Variants in CDC42BPG observed in about 807,000 individuals in gnomAD.
CDC42BPG encodes serine/threonine-protein kinase MRCK gamma.
A neutral mutation model predicts 192.2 loss-of-function variants in CDC42BPG; 157 were observed. That is an observed-to-expected ratio of 0.82 (90% CI 0.72 to 0.93). The LOEUF (loss-of-function observed/expected upper bound fraction) is 0.93, where lower values mean the gene tolerates loss of function less well. Ranked by LOEUF, CDC42BPG falls within the 40% of genes least tolerant of loss-of-function variation. The pLI is 0.00. For synonymous variants in CDC42BPG, 981 were observed against 918.5 expected (o/e 1.07, Z -1.23); for missense variants, 1,992 against 2,122.1 (o/e 0.94, Z 1.20).
At chr11:64,837,586 C>T (rs1023322680) in intron 9 of CDC42BPG, among the ~76,000 whole-genome samples, 2 of 152,244 alleles carry the variant, frequency 1.3e-5, no homozygotes, top group Non-Finnish European at 2.9e-5. Context: ...CTCAGCCTCC[C>T]AAGTAGCTGG....
At chr11:64,833,488 C>T (rs1942805886) in intron 23 of CDC42BPG, 112 bp downstream of exon 23, 2 of 1,113,284 alleles carry the variant, frequency 1.8e-6, no homozygotes, top group South Asian at 1.5e-5. Flanking sequence ...CCACCACCTC[C>T]ACCCCAATTG....
At chr11:64,843,477 C>G (rs1445952277) in intron 1 of CDC42BPG, among the ~76,000 whole-genome samples, 1 of 152,230 alleles carries the variant, frequency 6.6e-6, no homozygotes, top group East Asian at 1.9e-4. Context: ...CCTGGCACAT[C>G]TAGGTGGCAG....
chr11:64,836,715 G>GGGGGGGGC, intron 11 of CDC42BPG, 24 bp downstream of exon 11: 1 of 870,666 alleles, frequency 1.1e-6, no homozygotes, highest in Non-Finnish European at 1.7e-6. Flanking sequence ...CTGGGGGGGG[G>GGGGGGGGC]GGGGGGGTGG....
Position 64,832,640 on chromosome 11 carries a change from G to C in CDC42BPG, c.2969C>G (p.Pro990Arg). ...GACCTGCAGGAGGGCCCCACTGGGCGGGCTGAGCCTCAGGTCAGGGGCGTC... is the reference window on the plus strand; with the variant it reads ...GACCTGCAGGAGGGCCCCACTGGGCCGGCTGAGCCTCAGGTCAGGGGCGTC... ...LFDAPDLRLS[P>R]PSGALLQVLD... The change falls in exon 26 of 37, where the codon CCG (proline) becomes CGG (arginine). Residue 990 changes from proline to arginine, a missense_variant. By Grantham distance (103) the Pro-to-Arg change is moderately radical. This residue lies in a region of CDC42BPG where 1,656 missense variants were observed against 1,844.3 expected (regional missense o/e 0.90). Coordinates refer to ENST00000342711, the MANE Select transcript of CDC42BPG (RefSeq NM_017525.3). 6.2e-7 allele frequency: 1 copy of C among 1,613,804 alleles called. No homozygotes were observed. Among genetic ancestry groups the C allele is most frequent in the Non-Finnish European group, 8.5e-7 (1 of 1,180,006 alleles).
Position 64,834,921 on chromosome 11 carries a change from C to G in CDC42BPG, c.2103G>C (p.Leu701=). Residue 701 remains leucine, a synonymous_variant, in exon 18 of 37, where the codon CTG becomes CTC. Transcript: ENST00000342711. ...EKVSRGYLQA[L]ATKMAEELES... ...CCAGCTCCTCTGCCATCTTGGTGGC[C>G]AGGGCCTGCAGGTAGCCTCTTGAGA... 2 of 1,614,148 alleles carry G rather than the reference C, an allele frequency of 1.2e-6. No homozygotes were observed. Among genetic ancestry groups the G allele is most frequent in the East Asian group, 4.5e-5 (2 of 44,884 alleles).
chr11:64,840,420 C>G (rs1173506998), intron 4 of CDC42BPG, 133 bp downstream of exon 4: 3 of 1,385,828 alleles, frequency 2.2e-6, no homozygotes, highest in South Asian at 2.6e-5. Context: ...AGGCGCCAAG[C>G]CCAGGAACTG....
At chr11:64,837,092 G>C in intron 9 of CDC42BPG, 73 bp from the exon 10 acceptor site, 1 of 1,255,386 alleles carries the variant, frequency 8.0e-7, no homozygotes. Flanking sequence ...CTCCTGGACC[G>C]AATCACTCAT....
At position 64,833,259 on chromosome 11, in the gene CDC42BPG, G is replaced by A; in HGVS notation, c.2703C>T (p.Gly901=). 6.5e-7 allele frequency: 1 copy of A among 1,549,238 alleles called. No individual in the cohort carries two copies. ...CACAACCCAGGCCCTGGCGGCCCAG[G>A]CCCAGCATCAGCGAGGTGCAGCGGA... ...KCLRCTSLML[G]LGRQGLGCDA... is the part of the protein sequence containing the mutation. The change falls in exon 24 of 37, where the codon GGC becomes GGT. Residue 901 remains glycine, a synonymous_variant. Coordinates refer to ENST00000342711, the MANE Select transcript of CDC42BPG (RefSeq NM_017525.3).
chr11:64,827,125 C>T lies in CDC42BPG; in HGVS notation c.4314G>A (p.Ser1438=), dbSNP rs141564627. 3.0e-5 allele frequency: 48 copies of T among 1,613,996 alleles called. No individual in the cohort carries two copies. Among genetic ancestry groups the T allele is most frequent in the Non-Finnish European group, 3.8e-5 (45 of 1,179,994 alleles). Residue 1438 remains serine (S), a synonymous_variant, in exon 34 of 37, where the codon TCG becomes TCA. Coordinates refer to ENST00000342711, the MANE Select transcript of CDC42BPG (RefSeq NM_017525.3). The part of the protein sequence containing the change: ...KDPFVRSKLI[S]PPTNFNHLVH... ...CTAGGTGGTTGAAGTTGGTAGGCGG[C>T]GAGATGAGCTTGGAGCGCACAAAAG...
chr11:64,825,110 T>C (rs1010447074), intron 36 of CDC42BPG, among the ~76,000 whole-genome samples: 1 of 151,982 alleles, frequency 6.6e-6, no homozygotes, highest in Non-Finnish European at 1.5e-5. Context: ...AGAGACAGGG[T>C]TTCACCATGT....
intron 9 of CDC42BPG, 36 bp downstream of exon 9, chr11:64,838,047 C>T (rs767914173): frequency 5.2e-6 from 8 of 1,535,884 alleles, no homozygotes; most frequent in East Asian, 4.9e-5. Flanking sequence ...CAGGCAACCC[C>T]GAGCCTCCCA....
At position 64,830,587 on chromosome 11, in the gene CDC42BPG, A is replaced by C; in HGVS notation, c.3305-331T>G. ...GAGGAAGTGATGCAGGGGAGGGTTCAGCAGAGCCCCTTGCTCAATAAATCC... is the reference window on the plus strand; with the variant it reads ...GAGGAAGTGATGCAGGGGAGGGTTCCGCAGAGCCCCTTGCTCAATAAATCC... On this transcript the variant is annotated intron_variant, in intron 28 of 36. Transcript: ENST00000342711. 13 of 426,240 alleles carry C rather than the reference A, an allele frequency of 3.0e-5. No individual in the cohort carries two copies. In the South Asian group the frequency reaches 3.1e-4, roughly 10 times the overall value. 26.4% of individuals were successfully genotyped at this position (426,240 alleles called of 1,614,324 possible). A position where few individuals can be genotyped will look rare whatever the true frequency, so the allele number is the denominator to read the frequency against.
intron 9 of CDC42BPG, 123 bp from the exon 10 acceptor site, chr11:64,837,142 A>C: frequency 1.2e-6 from 1 of 839,370 alleles, no homozygotes; most frequent in Non-Finnish European, 1.9e-6. Flanking sequence ...CCCTCGGGAG[A>C]CCCCAGACTG....
intron 6 of CDC42BPG, 22 bp from the exon 7 acceptor site, chr11:64,839,255 C>CCATGAGGA (rs1439958683): frequency 5.6e-6 from 9 of 1,612,506 alleles, no homozygotes; most frequent in Non-Finnish European, 6.8e-6. Flanking sequence ...GGTGGTGAAG[C>CCATGAGGA]CATGAGGACA....
Position 64,835,028 on chromosome 11 carries a change from AC to A in CDC42BPG, c.2060+18del. ...AGTCTCGCCTGCGTTCCCCACCCCG[AC>A]CCACCCCTGGCACCCACCAGCTGAG... On this transcript the variant is annotated intron_variant, in intron 17 of 36. Transcript: ENST00000342711. The A allele has an allele frequency of 1.6e-6, 1 of 614,890 alleles. No homozygotes were observed. 38.1% of individuals were successfully genotyped at this position (614,890 alleles called of 1,614,324 possible). A position where few individuals can be genotyped will look rare whatever the true frequency, so the allele number is the denominator to read the frequency against.
Position 64,835,795 on chromosome 11 carries a change from C to T in CDC42BPG, c.1725G>A (p.Trp575Ter). 1 of 1,613,412 alleles carries T rather than the reference C, an allele frequency of 6.2e-7. No individual in the cohort carries two copies. The highest frequency in any genetic ancestry group is 8.5e-7 in the Non-Finnish European group (1 of 1,179,948). ...GGGACGACTCCTCAAGGCGTTGCTC[C>T]CACTGTCCCTGCAGCTGCGTCACCT... is the stretch of plus-strand genomic sequence containing the variant. The part of the protein sequence containing the change: ...SRQVTQLQGQ[W>*]EQRLEESSQA... The change falls in exon 14 of 37, where the codon TGG (tryptophan) becomes TGA (stop). Residue 575 changes from tryptophan (W) to a stop codon, truncating the protein, a stop_gained. Coordinates refer to ENST00000342711, the MANE Select transcript of CDC42BPG (RefSeq NM_017525.3). LOFTEE classifies it high-confidence loss of function.
rs566047867 is a variant in CDC42BPG, at chr11:64,839,498, G to A, written c.655C>T (p.Arg219Cys). The A allele has an allele frequency of 1.2e-5, 19 of 1,613,168 alleles. No homozygotes were observed. Among genetic ancestry groups the A allele is most frequent in the East Asian group, 2.2e-5 (1 of 44,880 alleles). Reference sequence around the variant, plus strand: ...CTTACCATGCCGTTGGTGTTGAGACGCAGGCAGGAGCCGAAGTCAGCCAGG... The same window carrying A: ...CTTACCATGCCGTTGGTGTTGAGACACAGGCAGGAGCCGAAGTCAGCCAGG... ...IRLADFGSCL[R>C]LNTNGMVDSS... The change falls in exon 6 of 37, where the codon CGT becomes TGT. Residue 219 changes from arginine to cysteine, a missense_variant. By Grantham distance (180) the Arg-to-Cys change is radical. Transcript: ENST00000342711.
chr11:64,841,994 G>T, intron 1 of CDC42BPG, 90 bp from the exon 2 acceptor site: 1 of 1,069,380 alleles, frequency 9.4e-7, no homozygotes, highest in Non-Finnish European at 1.4e-6. Flanking sequence ...TGCCGCTCCT[G>T]TGAGCCCAGG....
chr11:64,830,669 C>T (rs1441918184), intron 28 of CDC42BPG, among the ~76,000 whole-genome samples: 1 of 152,216 alleles, frequency 6.6e-6, no homozygotes, highest in African/African-American at 2.4e-5. Flanking sequence ...CTGTGTCTCC[C>T]GCCCTGAGAG....
Sources: gnomAD v4.1 joint callset for allele counts (sites outside exome capture counted in the v4.1 genomes callset) on GRCh38, gnomAD v4.1.1 for gene constraint, gnomAD v4.1.1 regional missense constraint, MANE v1.5 for transcripts, NCBI Gene and HGNC (gene_info 2026-07-23, HGNC 2026-07-21) for gene names.